OR51B5: variants seen among roughly 807,000 people sequenced by gnomAD.
The protein encoded by OR51B5 is olfactory receptor family 51 subfamily B member 5.
For missense variants in OR51B5, 456 were observed against 374.6 expected, an observed-to-expected ratio of 1.22 and a Z score of -1.79; for synonymous variants, 186 against 144.8, an observed-to-expected ratio of 1.28 and a Z score of -2.04.
chr11:5,455,678 C>T (rs1455299568), intron 1 of OR51B5: 6 of 151,998 alleles, frequency 3.9e-5, no homozygotes, highest in African/African-American at 1.4e-4. Flanking sequence ...GAAACTCATC[C>T]AGAAACCACG....
chr11:5,374,839 G>C (rs955014846), intron 1 of OR51B5, among the ~76,000 whole-genome samples: 1 of 152,128 alleles, frequency 6.6e-6, no homozygotes, highest in African/African-American at 2.4e-5. Context: ...TATGTGAAAA[G>C]ATCAAATCTA....
rs142052348 is a variant in OR51B5 at position 5,497,907 on chromosome 11, T to C, written n.84+7662A>G. On this transcript the variant is annotated intron_variant and non_coding_transcript_variant, in intron 1 of 4. Transcript: ENST00000415970. ...GTATGACATCACATTCATAGTATCCTCTTCCAAGGAAATGCATTTGACACG... is the reference window on the plus strand; with the variant it reads ...GTATGACATCACATTCATAGTATCCCCTTCCAAGGAAATGCATTTGACACG... 5.7e-3 allele frequency among the ~76,000 whole-genome samples: 867 copies of C among 152,254 alleles called. 7 individuals are homozygous for C. Among genetic ancestry groups the C allele is most frequent in the African/African-American group, 0.02 (819 of 41,540 alleles).
chr11:5,356,187 G>T (rs1589950618), intron 1 of OR51B5, among the ~76,000 whole-genome samples: 1 of 152,142 alleles, frequency 6.6e-6, no homozygotes, highest in African/African-American at 2.4e-5. Flanking sequence ...CGAGCTAAAG[G>T]AGGAAGCTCG....
chr11:5,381,150 G>A (rs546809998), intron 1 of OR51B5, among the ~76,000 whole-genome samples: 50 of 84,848 alleles, frequency 5.9e-4, no homozygotes, highest in African/African-American at 1.7e-3. Context: ...TCTGTCGCTC[G>A]CTCGCTGTTT....
intron 1 of OR51B5, among the ~76,000 whole-genome samples, chr11:5,450,527 T>C (rs776840611): frequency 6.6e-6 from 1 of 152,210 alleles, no homozygotes; most frequent in Non-Finnish European, 1.5e-5. Context: ...GGGTCCTTTC[T>C]TCTAAACCAC....
chr11:5,377,318 A>G (rs1429331334), intron 1 of OR51B5, among the ~76,000 whole-genome samples: 1 of 152,196 alleles, frequency 6.6e-6, no homozygotes, highest in East Asian at 1.9e-4. Context: ...TCTCAAAATA[A>G]TAAGAGCTAT....
intron 1 of OR51B5, among the ~76,000 whole-genome samples, chr11:5,376,728 T>C (rs529682642): frequency 3.9e-5 from 6 of 151,936 alleles, no homozygotes; most frequent in Non-Finnish European, 8.8e-5. Flanking sequence ...GATAAATTCC[T>C]GGACACATAC....
chr11:5,431,871 A>T (rs915417753), intron 1 of OR51B5, among the ~76,000 whole-genome samples: 20 of 152,184 alleles, frequency 1.3e-4, no homozygotes, highest in Non-Finnish European at 1.9e-4. Context: ...TTAAGTTTTT[A>T]AAAAAGTTTT....
intron 1 of OR51B5, chr11:5,488,770 G>T: frequency 3.7e-6 from 6 of 1,614,020 alleles, no homozygotes. Context: ...AGGGATCCCA[G>T]GGCTGGAGGC....
chr11:5,416,377 T>G (rs1415528893), intron 1 of OR51B5, among the ~76,000 whole-genome samples: 1 of 152,078 alleles, frequency 6.6e-6, no homozygotes, highest in African/African-American at 2.4e-5. Context: ...AAGACAAGGA[T>G]GCCCTCTCTC....
chr11:5,416,497 G>A (rs1589984457), intron 1 of OR51B5, among the ~76,000 whole-genome samples: 1 of 151,700 alleles, frequency 6.6e-6, no homozygotes, highest in South Asian at 2.1e-4. Flanking sequence ...GTCCCTGTTT[G>A]CAGATGACAT....
At chr11:5,412,029 A>T (rs1850155898) in intron 1 of OR51B5, among the ~76,000 whole-genome samples, 1 of 152,198 alleles carries the variant, frequency 6.6e-6, no homozygotes, top group Non-Finnish European at 1.5e-5. Context: ...AAAACAAAAA[A>T]TGTTGTTTTA....
chr11:5,393,492 CTCTA>C (rs1452589832), intron 1 of OR51B5, among the ~76,000 whole-genome samples: 1 of 152,146 alleles, frequency 6.6e-6, no homozygotes, highest in East Asian at 1.9e-4. Context: ...ATATAGATTT[CTCTA>C]TCTTTGCCGT....
chr11:5,358,819 G>A (rs896460851), intron 1 of OR51B5, among the ~76,000 whole-genome samples: 1 of 152,146 alleles, frequency 6.6e-6, no homozygotes, highest in Non-Finnish European at 1.5e-5. Flanking sequence ...TTCATCCCTG[G>A]GATGCAAGGC....
intron 1 of OR51B5, chr11:5,455,030 T>A (rs1441305623): frequency 6.6e-6 from 1 of 152,264 alleles, no homozygotes; most frequent in Non-Finnish European, 1.5e-5. Flanking sequence ...TGCTTTAACT[T>A]CACAAAGTGA....
intron 1 of OR51B5, among the ~76,000 whole-genome samples, chr11:5,404,823 A>C (rs1850035858): frequency 6.6e-6 from 1 of 152,228 alleles, no homozygotes; most frequent in South Asian, 2.1e-4. Context: ...ACCATCTTTA[A>C]GAGCTGTAAC....
chr11:5,346,251 T>C (rs931482882), upstream of OR51B5: 4 of 152,190 alleles, frequency 2.6e-5, no homozygotes, highest in African/African-American at 4.8e-5. Context: ...AAGAATTCCA[T>C]GCAGACATAC....
intron 1 of OR51B5, among the ~76,000 whole-genome samples, chr11:5,409,191 G>C (rs1355874162): frequency 6.6e-6 from 1 of 152,058 alleles, no homozygotes. Flanking sequence ...GGAAGCAAGG[G>C]CAACAACAGG....
At chr11:5,346,876 C>G (rs1458814212), upstream of OR51B5, 1 of 152,058 alleles carries the variant, frequency 6.6e-6, no homozygotes, top group Non-Finnish European at 1.5e-5. Context: ...TGTGTCTTAC[C>G]TAAAGACTTA....
Sources: gnomAD v4.1 joint callset for allele counts (sites outside exome capture counted in the v4.1 genomes callset) on GRCh38, gnomAD v4.1.1 for gene constraint, MANE v1.5 for transcripts, NCBI Gene and HGNC (gene_info 2026-07-23, HGNC 2026-07-21) for gene names.